The following REDIC1 variants were observed in gnomAD, a reference collection of about 807,000 sequenced individuals.
The protein encoded by REDIC1 is regulator of DNA class I crossover intermediates 1.
At chr12:39,712,330 TTATA>T in the REDIC1 span, among the ~76,000 whole-genome samples, 1 of 112,204 alleles carries the variant, frequency 8.9e-6, no homozygotes, top group East Asian at 2.5e-4. Context: ...ATACATATGT[TTATA>T]TACCTGTATT....
At chr12:39,749,707 A>G in the REDIC1 span, among the ~76,000 whole-genome samples, 3 of 152,326 alleles carry the variant, frequency 2.0e-5, no homozygotes, top group East Asian at 3.9e-4. Flanking sequence ...CACATCAAAA[A>G]GCTTATCCAC....
At chr12:39,626,183 A>AG in the REDIC1 span, 1 of 706,308 alleles carries the variant, frequency 1.4e-6, no homozygotes, top group South Asian at 1.9e-5. Flanking sequence ...GGCTGTTGGG[A>AG]GGTTGGGCCT....
chr12:39,717,397 G>C, the REDIC1 span, among the ~76,000 whole-genome samples: 1 of 151,734 alleles, frequency 6.6e-6, no homozygotes, highest in Non-Finnish European at 1.5e-5. Context: ...AAAAGAAAAC[G>C]TTACTAAGGA....
At chr12:39,796,213 C>T in the REDIC1 span, among the ~76,000 whole-genome samples, 1 of 152,120 alleles carries the variant, frequency 6.6e-6, no homozygotes, top group African/African-American at 2.4e-5. Flanking sequence ...TTCACTCCCA[C>T]GATGTAGGGG....
At chr12:39,691,358 GA>G in the REDIC1 span, among the ~76,000 whole-genome samples, 2 of 151,934 alleles carry the variant, frequency 1.3e-5, no homozygotes, top group Non-Finnish European at 2.9e-5. Flanking sequence ...AGAATGTATA[GA>G]AAAAAATTTT....
At chr12:39,678,194 G>A in the REDIC1 span, among the ~76,000 whole-genome samples, 1 of 152,040 alleles carries the variant, frequency 6.6e-6, no homozygotes, top group East Asian at 1.9e-4. Context: ...TGGACCATTA[G>A]CAAGATTAAC....
the REDIC1 span, among the ~76,000 whole-genome samples, chr12:39,675,857 T>C: frequency 3.3e-5 from 5 of 152,064 alleles, no homozygotes; most frequent in Non-Finnish European, 7.4e-5. Flanking sequence ...ACCCAATCAC[T>C]GCAGTCTGGC....
At chr12:39,839,447 C>T in the REDIC1 span, among the ~76,000 whole-genome samples, 1 of 152,036 alleles carries the variant, frequency 6.6e-6, no homozygotes, top group Non-Finnish European at 1.5e-5. Flanking sequence ...TTTCATGAAG[C>T]AAATTATCCT....
At chr12:39,742,168 T>TG in the REDIC1 span, among the ~76,000 whole-genome samples, 1 of 151,904 alleles carries the variant, frequency 6.6e-6, no homozygotes, top group African/African-American at 2.4e-5. Context: ...ACTCGGTCAG[T>TG]GGGGGGATTA....
the REDIC1 span, among the ~76,000 whole-genome samples, chr12:39,896,046 G>T: frequency 7.0e-6 from 1 of 143,062 alleles, no homozygotes; most frequent in Non-Finnish European, 1.5e-5. Context: ...GTTTATATAC[G>T]CATGTATATA....
the REDIC1 span, among the ~76,000 whole-genome samples, chr12:39,864,590 TA>T: frequency 2.0e-5 from 3 of 152,180 alleles, no homozygotes; most frequent in Non-Finnish European, 2.9e-5. Context: ...CTGCACAAGC[TA>T]TTCCTCTTCC....
chr12:39,775,773 A>G, the REDIC1 span, among the ~76,000 whole-genome samples: 3 of 152,214 alleles, frequency 2.0e-5, no homozygotes, highest in Admixed American at 1.3e-4. Context: ...TTATTACTTA[A>G]TGATTGTTTT....
the REDIC1 span, among the ~76,000 whole-genome samples, chr12:39,849,925 T>G: frequency 6.6e-6 from 1 of 152,184 alleles, no homozygotes; most frequent in Non-Finnish European, 1.5e-5. Flanking sequence ...TTGTTTCTTC[T>G]TCTGTTTTTG....
At chr12:39,717,959 T>G in the REDIC1 span, among the ~76,000 whole-genome samples, 110,169 of 150,484 alleles carry the variant, frequency 0.73, 41,757 homozygotes, top group Non-Finnish European at 0.84. Context: ...CTTGAAACCC[T>G]TCACCTTTCA....
At chr12:39,653,542 C>CTTCTTCTTCTTCTTT in the REDIC1 span, among the ~76,000 whole-genome samples, 41 of 37,272 alleles carry the variant, frequency 1.1e-3, 1 homozygote, top group Middle Eastern at 0.012. Context: ...TCTTCTTTTT[C>CTTCTTCTTCTTCTTT]TTCTTCTTCT....
the REDIC1 span, chr12:39,692,028 A>G: frequency 6.5e-7 from 1 of 1,549,170 alleles, no homozygotes. Flanking sequence ...AGGAATTGTT[A>G]ACATTTTGGT....
the REDIC1 span, among the ~76,000 whole-genome samples, chr12:39,677,855 T>C: frequency 2.0e-5 from 3 of 152,104 alleles, no homozygotes; most frequent in South Asian, 4.1e-4. Flanking sequence ...GGGTCAACAA[T>C]GAAATCAAGA....
At chr12:39,896,887 C>T in the REDIC1 span, among the ~76,000 whole-genome samples, 2 of 152,140 alleles carry the variant, frequency 1.3e-5, no homozygotes, top group South Asian at 2.1e-4. Flanking sequence ...AGTGAAAACA[C>T]GTGTCCTTTT....
chr12:39,830,083 T>A, the REDIC1 span: 1 of 1,613,190 alleles, frequency 6.2e-7, no homozygotes, highest in Non-Finnish European at 8.5e-7. Flanking sequence ...TATATTCGTA[T>A]GGTAAAATGA....
Sources: gnomAD v4.1 joint callset for allele counts (sites outside exome capture counted in the v4.1 genomes callset) on GRCh38, gnomAD v4.1.1 for gene constraint, MANE v1.5 for transcripts, NCBI Gene and HGNC (gene_info 2026-07-23, HGNC 2026-07-21) for gene names.